Variants in GLYATL2 observed in about 807,000 individuals in gnomAD.
The protein encoded by GLYATL2 is glycine-N-acyltransferase like 2.
GLYATL2 carries 25 observed loss-of-function variants against 21.4 expected under a neutral mutation model. The ratio of observed to expected loss-of-function variants is 1.17; its 90% CI spans 0.85 to 1.63. The LOEUF is 1.63. Ranked by LOEUF, GLYATL2 falls within the 40% of genes most tolerant of loss-of-function variation. GLYATL2 has a pLI of 0.00. For missense variants in GLYATL2, 361 were observed against 343.3 expected (o/e 1.05, Z -0.41); for synonymous variants, 114 against 118.2 (o/e 0.96, Z 0.23).
upstream of GLYATL2, chr11:58,907,879 T>G (rs1854943582): frequency 6.4e-6 from 1 of 157,094 alleles, no homozygotes; most frequent in East Asian, 1.9e-4. Flanking sequence ...GAAGCAATAC[T>G]TTCTGAGTAG....
At chr11:58,847,358 C>T (rs1340162976), upstream of GLYATL2, among the ~76,000 whole-genome samples, 1 of 152,186 alleles carries the variant, frequency 6.6e-6, no homozygotes, top group Non-Finnish European at 1.5e-5. Context: ...TAGGTGCCAG[C>T]ACAGCCACAG....
In GLYATL2 at chr11:58,834,378, A is replaced by T; in HGVS notation, c.*51T>A. ...TGTAGATCACAATGCTTGTGTTTGA[A>T]TTAATGTTTTTTTACTGATAAGAAA... On this transcript the variant is annotated 3_prime_UTR_variant, in exon 6 of 6. Coordinates refer to ENST00000287275, the MANE Select transcript of GLYATL2 (RefSeq NM_145016.4). 1.4e-6 allele frequency: 2 copies of T among 1,432,688 alleles called. No homozygotes were observed. The highest frequency in any genetic ancestry group is 1.9e-6 in the Non-Finnish European group (2 of 1,057,470). The allele number at this position is 1,432,688 out of a possible 1,614,324, so 88.7% of individuals were successfully genotyped here. A position where few individuals can be genotyped will look rare whatever the true frequency, so the allele number is the denominator to read the frequency against.
At chr11:58,908,475 C>A, upstream of GLYATL2, 1 of 202,680 alleles carries the variant, frequency 4.9e-6, no homozygotes, top group South Asian at 1.0e-4. Flanking sequence ...TCATGAATTC[C>A]ATGAAGACTG....
intron 1 of GLYATL2, among the ~76,000 whole-genome samples, chr11:58,883,695 G>A (rs909748980): frequency 1.3e-4 from 20 of 152,126 alleles, no homozygotes; most frequent in African/African-American, 4.8e-4. Context: ...AAAAAAGAGG[G>A]AATCTTCTCT....
At chr11:58,874,105 T>C (rs1003545618) in intron 1 of GLYATL2, among the ~76,000 whole-genome samples, 7 of 152,244 alleles carry the variant, frequency 4.6e-5, no homozygotes, top group Non-Finnish European at 8.8e-5. Context: ...GATGGTAGTT[T>C]GTATTTCTGT....
intron 1 of GLYATL2, among the ~76,000 whole-genome samples, chr11:58,897,153 CCA>C (rs1565110370): frequency 1.3e-5 from 2 of 152,174 alleles, no homozygotes; most frequent in African/African-American, 4.8e-5. Flanking sequence ...CACTAAAATT[CCA>C]CAGATTTCAA....
chr11:58,906,279 G>A (rs1854881985), upstream of GLYATL2, among the ~76,000 whole-genome samples: 1 of 152,190 alleles, frequency 6.6e-6, no homozygotes, highest in South Asian at 2.1e-4. Flanking sequence ...GGCCAAGAGT[G>A]TTACTCCTGA....
chr11:58,895,200 C>A (rs531329685), intron 1 of GLYATL2, among the ~76,000 whole-genome samples: 1 of 152,190 alleles, frequency 6.6e-6, no homozygotes, highest in Admixed American at 6.5e-5. Flanking sequence ...CCTTAACATG[C>A]ACTTGGATTA....
intron 2 of GLYATL2, among the ~76,000 whole-genome samples, chr11:58,838,978 T>C (rs954035079): frequency 6.6e-6 from 1 of 152,180 alleles, no homozygotes; most frequent in Non-Finnish European, 1.5e-5. Context: ...AGCAAGTTAT[T>C]ACAAGTAGGA....
Position 58,844,507 on chromosome 11 carries a change from T to C in GLYATL2, c.-114A>G, listed in dbSNP as rs1229493107. ...CAGTATGGCAATGGAAAGGTTTCTG[T>C]AGCTAATACTCTACGGACTGAAACA... On this transcript the variant is annotated 5_prime_UTR_variant, in exon 1 of 6. Coordinates refer to ENST00000287275, the MANE Select transcript of GLYATL2 (RefSeq NM_145016.4). 1 of 152,196 alleles carries C rather than the reference T, an allele frequency of 6.6e-6. No homozygotes were observed. The highest frequency in any genetic ancestry group is 1.5e-5 in the Non-Finnish European group (1 of 68,038). 9.4% of individuals were successfully genotyped at this position (152,196 alleles called of 1,614,324 possible).
chr11:58,858,459 G>A (rs1190039787), intron 1 of GLYATL2, among the ~76,000 whole-genome samples: 1 of 41,912 alleles, frequency 2.4e-5, no homozygotes, highest in African/African-American at 4.8e-5. Flanking sequence ...ATGAAGAATT[G>A]GGCTTTTTTA....
At chr11:58,841,553 G>T (rs1444667932) in intron 1 of GLYATL2, among the ~76,000 whole-genome samples, 1 of 152,070 alleles carries the variant, frequency 6.6e-6, no homozygotes, top group East Asian at 1.9e-4. Context: ...CCATTCCACC[G>T]GACAGAAACA....
At chr11:58,892,678 A>G (rs1854564979) in intron 1 of GLYATL2, 1 of 356,544 alleles carries the variant, frequency 2.8e-6, no homozygotes, top group Non-Finnish European at 5.4e-6. Flanking sequence ...AAGAAAGTTT[A>G]GGTGAGGGGA....
At chr11:58,878,384 A>G (rs1854275846) in intron 1 of GLYATL2, 3 of 633,142 alleles carry the variant, frequency 4.7e-6, no homozygotes, top group African/African-American at 1.9e-5. Flanking sequence ...GATCATAGGT[A>G]AGCTCCCTCT....
At position 58,858,900 on chromosome 11, in the gene GLYATL2, C is replaced by T. The variant is rs78699037; in HGVS notation, n.61-20532G>A. On this transcript the variant is annotated intron_variant and non_coding_transcript_variant, in intron 1 of 4. Coordinates refer to the GLYATL2 transcript ENST00000533636. ...GATTTAGAGAGCATCACTGTCTCCC[C>T]TTATCCCTCATTTGATCTCCAAACC... Among the ~76,000 whole-genome samples the T allele has an allele frequency of 9.2e-3, 1,404 of 152,304 alleles. 8 individuals are homozygous for T. Among genetic ancestry groups the T allele is most frequent in the Non-Finnish European group, 0.015 (1,051 of 68,026 alleles).
intron 1 of GLYATL2, among the ~76,000 whole-genome samples, chr11:58,899,098 T>G (rs893633675): frequency 6.6e-6 from 1 of 152,162 alleles, no homozygotes; most frequent in Non-Finnish European, 1.5e-5. Flanking sequence ...AAGGTAACCT[T>G]GAACCTTCAT....
In GLYATL2 at chr11:58,838,291, G is replaced by A. The variant is rs371816018; in HGVS notation, c.156C>T (p.Tyr52=). 1.8e-5 allele frequency: 29 copies of A among 1,612,900 alleles called. No homozygotes were observed. In the Middle Eastern group the frequency reaches 6.6e-4, roughly 37 times the overall value. The change falls in exon 3 of 6, where the codon TAC becomes TAT. Residue 52 remains tyrosine (Y), a synonymous_variant. Coordinates refer to ENST00000287275, the MANE Select transcript of GLYATL2 (RefSeq NM_145016.4). The part of the protein sequence containing the change: ...MEVLVDAWPD[Y]QIVITRPQKQ... ...TCTGAGGCCGGGTAATGACGATCTG[G>A]TAATCTGGCCAGGCATCTACCAGCA...
intron 3 of GLYATL2, 92 bp from the exon 4 acceptor site, chr11:58,837,489 G>T (rs1350184987): frequency 5.7e-6 from 7 of 1,238,784 alleles, no homozygotes; most frequent in Non-Finnish European, 8.0e-6. Flanking sequence ...TCAATTGTTT[G>T]AAATATTCTG....
intron 1 of GLYATL2, among the ~76,000 whole-genome samples, chr11:58,851,868 A>T (rs1175412813): frequency 6.6e-6 from 1 of 152,218 alleles, no homozygotes; most frequent in Non-Finnish European, 1.5e-5. Context: ...GATACACACA[A>T]GGGATGATTG....
Sources: gnomAD v4.1 joint callset for allele counts (sites outside exome capture counted in the v4.1 genomes callset) on GRCh38, gnomAD v4.1.1 for gene constraint, MANE v1.5 for transcripts, NCBI Gene and HGNC (gene_info 2026-07-23, HGNC 2026-07-21) for gene names.